TACC2: variants seen among roughly 807,000 people sequenced by gnomAD.
The protein encoded by TACC2 is transforming acidic coiled-coil containing protein 2.
A neutral mutation model predicts 227.3 loss-of-function variants in TACC2; 137 were observed. That is an observed-to-expected ratio of 0.60 (90% CI 0.52 to 0.69). The LOEUF (loss-of-function observed/expected upper bound fraction) is 0.69, where lower values mean the gene tolerates loss of function less well. TACC2 is among the 30% of genes least tolerant of loss of function. TACC2 has a pLI of 0.00. For missense variants in TACC2, 3,470 were observed against 3,694.4 expected (o/e 0.94, Z 1.57); for synonymous variants, 1,523 against 1,487.5 (o/e 1.02, Z -0.55).
intron 2 of TACC2, among the ~76,000 whole-genome samples, chr10:122,033,544 C>A (rs1414109439): frequency 6.6e-6 from 1 of 152,160 alleles, no homozygotes; most frequent in Non-Finnish European, 1.5e-5. Flanking sequence ...ACCTTTGCCG[C>A]CTGTGAGCAA....
intron 3 of TACC2, among the ~76,000 whole-genome samples, chr10:122,060,329 T>G (rs2076658627): frequency 6.6e-6 from 1 of 152,090 alleles, no homozygotes; most frequent in Non-Finnish European, 1.5e-5. Flanking sequence ...CCCAGGCAAA[T>G]CCCCAAGCAA....
intron 2 of TACC2, among the ~76,000 whole-genome samples, chr10:122,036,232 A>G: frequency 7.0e-6 from 1 of 143,508 alleles, no homozygotes; most frequent in East Asian, 2.0e-4. Context: ...TCGCTCTGTC[A>G]CCCAGGATGG....
intron 1 of TACC2, among the ~76,000 whole-genome samples, chr10:122,018,853 T>G (rs914592275): frequency 3.9e-5 from 6 of 152,220 alleles, no homozygotes; most frequent in Non-Finnish European, 8.8e-5. Context: ...CCTCCTCATC[T>G]AGCTTCCTCC....
chr10:122,083,467 G>A lies in TACC2; in HGVS notation c.967G>A (p.Ala323Thr). Residue 323 changes from alanine (A) to threonine (T), a missense_variant, in exon 4 of 23, where the codon GCA becomes ACA. Ala to Thr is a moderately conservative substitution (Grantham distance 58, BLOSUM62 0). This residue lies in a region of TACC2 where 33 missense variants were observed against 60.4 expected (regional missense o/e 0.55). Transcript: ENST00000369005. ...GAGCAATTCAGGGGCTGCCCCAGAA[G>A]CAGAAGTGAATGCCGCTTCCCAGGA... ...PRSNSGAAPE[A>T]EVNAASQESC... is the part of the protein sequence containing the mutation. 1 of 1,613,358 alleles carries A rather than the reference G, an allele frequency of 6.2e-7. No homozygotes were observed. Among genetic ancestry groups the A allele is most frequent in the Non-Finnish European group, 8.5e-7 (1 of 1,180,032 alleles).
rs1178012692 is a variant in TACC2 at position 122,215,444 on chromosome 10, C to T, written c.7337C>T (p.Pro2446Leu). The T allele has an allele frequency of 5.6e-6, 9 of 1,613,854 alleles. No homozygotes were observed. The highest frequency in any genetic ancestry group is 6.8e-6 in the Non-Finnish European group (8 of 1,179,794). Residue 2446 changes from proline (P) to leucine (L), a missense_variant, in exon 10 of 23, where the codon CCT becomes CTT. Physicochemically the swap from Pro to Leu is moderately conservative, Grantham distance 98 (BLOSUM62 -3). Coordinates refer to ENST00000369005, the MANE Select transcript of TACC2 (RefSeq NM_206862.4). ...AAACGGTCTCCTCTCTCTGATCCACCTTCCCAGGTACAGTGTTCCTTTGAT... is the reference window on the plus strand; with the variant it reads ...AAACGGTCTCCTCTCTCTGATCCACTTTCCCAGGTACAGTGTTCCTTTGAT... The part of the protein sequence containing the change: ...SPKRSPLSDP[P>L]SQDPTPAATP...
At chr10:122,237,616 CT>C (rs1263088603) in intron 17 of TACC2, 78 bp downstream of exon 17, 2 of 1,523,236 alleles carry the variant, frequency 1.3e-6, no homozygotes, top group Non-Finnish European at 8.9e-7. Context: ...AAGCCAGAGT[CT>C]TTGGAGACAG....
At chr10:122,029,935 T>G (rs1591260179) in intron 2 of TACC2, among the ~76,000 whole-genome samples, 1 of 151,176 alleles carries the variant, frequency 6.6e-6, no homozygotes, top group African/African-American at 2.4e-5. Context: ...GGGTGGGAGG[T>G]GTGTGATTTT....
chr10:122,107,566 G>A (rs1451603217), intron 5 of TACC2, among the ~76,000 whole-genome samples: 1 of 151,996 alleles, frequency 6.6e-6, no homozygotes, highest in East Asian at 1.9e-4. Flanking sequence ...TCCACCCTGG[G>A]TGAGAAAATG....
Position 122,249,648 on chromosome 10 carries a change from G to A in TACC2, c.8765G>A (p.Arg2922Lys). 6.2e-7 allele frequency: 1 copy of A among 1,613,554 alleles called. No homozygotes were observed. Among genetic ancestry groups the A allele is most frequent in the South Asian group, 1.1e-5 (1 of 91,010 alleles). Reference protein sequence around the residue: ...KEQLRVDALERTLEQKNKEIE... With the variant: ...KEQLRVDALEKTLEQKNKEIE... ...CAGCTGCGAGTGGACGCCCTGGAAA[G>A]GACGCTGGAGCAGAAGGTAATAGGG... The change falls in exon 22 of 23, where the codon AGG (arginine) becomes AAG (lysine). Residue 2922 changes from arginine to lysine, a missense_variant. This residue lies in a region of TACC2 where 89 missense variants were observed against 91.4 expected (regional missense o/e 0.97). Coordinates refer to ENST00000369005, the MANE Select transcript of TACC2 (RefSeq NM_206862.4).
In TACC2 at chr10:122,253,469, A is replaced by C. The variant is rs542200174; in HGVS notation, c.8782-522A>C. Reference sequence around the variant, plus strand: ...GAGAATCACCTTAAAGCCAGCTCGCATCTGCCCCCCACCCCCCATGACCCT... The same window carrying C: ...GAGAATCACCTTAAAGCCAGCTCGCCTCTGCCCCCCACCCCCCATGACCCT... On this transcript the variant is annotated intron_variant, in intron 22 of 22. Transcript: ENST00000369005. 2.0e-4 allele frequency among the ~76,000 whole-genome samples: 30 copies of C among 152,244 alleles called. No individual in the cohort carries two copies. In the South Asian group the frequency reaches 3.3e-3, roughly 17 times the overall value.
At chr10:122,142,310 G>T (rs898160446) in intron 6 of TACC2, among the ~76,000 whole-genome samples, 1 of 152,226 alleles carries the variant, frequency 6.6e-6, no homozygotes, top group South Asian at 2.1e-4. Flanking sequence ...TGCTGTGGGC[G>T]GCCTGGCCCA....
At chr10:122,156,451 C>T (rs1045897642) in intron 7 of TACC2, among the ~76,000 whole-genome samples, 1 of 152,070 alleles carries the variant, frequency 6.6e-6, no homozygotes, top group Non-Finnish European at 1.5e-5. Context: ...GTCTCGATCT[C>T]CTGACCTTGT....
intron 7 of TACC2, among the ~76,000 whole-genome samples, chr10:122,159,195 C>T (rs531821040): frequency 2.0e-5 from 3 of 152,176 alleles, no homozygotes; most frequent in Non-Finnish European, 4.4e-5. Context: ...ACGGTGAGGA[C>T]CTGGCCGTGC....
intron 18 of TACC2, among the ~76,000 whole-genome samples, chr10:122,238,291 T>G (rs2095901037): frequency 6.6e-6 from 1 of 152,202 alleles, no homozygotes; most frequent in Non-Finnish European, 1.5e-5. Context: ...CAGCCTCCAG[T>G]TCCACAACTC....
intron 7 of TACC2, among the ~76,000 whole-genome samples, chr10:122,173,182 A>C (rs929311107): frequency 3.9e-5 from 6 of 152,210 alleles, no homozygotes; most frequent in Non-Finnish European, 7.3e-5. Flanking sequence ...TCCTCACCCC[A>C]GACAACCCCA....
intron 1 of TACC2, among the ~76,000 whole-genome samples, chr10:122,002,121 G>A (rs186659927): frequency 6.6e-6 from 1 of 152,272 alleles, no homozygotes; most frequent in East Asian, 1.9e-4. Flanking sequence ...TTCTTGGTTT[G>A]CAGATGGCCA....
chr10:122,178,326 T>A (rs2093821639), intron 7 of TACC2, among the ~76,000 whole-genome samples: 2 of 149,400 alleles, frequency 1.3e-5, no homozygotes, highest in Non-Finnish European at 3.0e-5. Flanking sequence ...AACCTCCACC[T>A]CCCAGGTCCA....
chr10:122,120,852 G>A (rs985541234), intron 5 of TACC2, among the ~76,000 whole-genome samples: 9 of 151,946 alleles, frequency 5.9e-5, no homozygotes, highest in African/African-American at 1.4e-4. Context: ...TGCAACCTCC[G>A]CTTCCCGGGT....
At chr10:122,045,443 C>T (rs1196883811) in intron 2 of TACC2, among the ~76,000 whole-genome samples, 1 of 152,238 alleles carries the variant, frequency 6.6e-6, no homozygotes, top group Non-Finnish European at 1.5e-5. Context: ...AGTGGCTTAA[C>T]CTCTCTGTGC....
Sources: allele counts gnomAD v4.1 joint callset (sites outside exome capture counted in the v4.1 genomes callset), GRCh38; gene constraint gnomAD v4.1.1; regional missense constraint gnomAD v4.1.1; transcripts MANE v1.5; gene names NCBI Gene and HGNC (gene_info 2026-07-23, HGNC 2026-07-21).